MAGI2: variants seen among roughly 807,000 people sequenced by gnomAD.
MAGI2 encodes the protein membrane-associated guanylate kinase, WW and PDZ domain-containing protein 2.
Under a neutral mutation model 133.3 loss-of-function variants are expected in MAGI2, and 35 were observed. That is an observed-to-expected ratio of 0.26 (90% CI 0.20 to 0.35). The LOEUF is 0.35. MAGI2 is among the 10% of genes least tolerant of loss of function. The pLI, the probability that MAGI2 is intolerant of heterozygous loss-of-function variation, is 1.00. For missense variants in MAGI2, 1,636 were observed against 1,863.4 expected (o/e 0.88, Z 2.25); for synonymous variants, 729 against 710.6 (o/e 1.03, Z -0.41).
chr7:78,694,069 C>T (rs1817245067), intron 2 of MAGI2, among the ~76,000 whole-genome samples: 1 of 152,070 alleles, frequency 6.6e-6, no homozygotes, highest in Admixed American at 6.5e-5. Flanking sequence ...AGCTGCGTGA[C>T]CATTGATAAT....
chr7:78,428,446 A>G (rs183630722), intron 6 of MAGI2, among the ~76,000 whole-genome samples: 80 of 152,282 alleles, frequency 5.3e-4, no homozygotes, highest in Admixed American at 2.0e-3. Flanking sequence ...CTATCTTCTT[A>G]GGATAATTTT....
At chr7:79,144,267 T>C (rs1016886418) in intron 1 of MAGI2, among the ~76,000 whole-genome samples, 4 of 152,240 alleles carry the variant, frequency 2.6e-5, no homozygotes, top group African/African-American at 7.2e-5. Context: ...TGATATGGTT[T>C]GGATTTGTGT....
chr7:78,591,335 G>T (rs576952814), intron 3 of MAGI2, among the ~76,000 whole-genome samples: 1 of 152,298 alleles, frequency 6.6e-6, no homozygotes, highest in South Asian at 2.1e-4. Flanking sequence ...AAACAAGAGC[G>T]GGTTAGAGAT....
At chr7:79,151,567 T>C (rs1299575779) in intron 1 of MAGI2, among the ~76,000 whole-genome samples, 1 of 152,100 alleles carries the variant, frequency 6.6e-6, no homozygotes, top group East Asian at 1.9e-4. Flanking sequence ...TCAAGTATAG[T>C]GTGACTGAGT....
Position 78,346,062 on chromosome 7 carries a change from G to A in MAGI2, c.1104-19C>T. ...TATGTGGCTAAAAAAGAAAATTTCA[G>A]ATTAGGATAACCGTGGGGCAAAGTT... On this transcript the variant is annotated intron_variant, in intron 7 of 21. Coordinates refer to ENST00000354212, the MANE Select transcript of MAGI2 (RefSeq NM_012301.4). The A allele has an allele frequency of 6.2e-7, 1 of 1,613,716 alleles. No individual in the cohort carries two copies.
intron 2 of MAGI2, among the ~76,000 whole-genome samples, chr7:78,674,137 A>T (rs1401297312): frequency 6.6e-6 from 1 of 152,192 alleles, no homozygotes; most frequent in East Asian, 1.9e-4. Context: ...ACATTAATAA[A>T]AGTTTGTAGT....
intron 1 of MAGI2, among the ~76,000 whole-genome samples, chr7:79,282,666 C>T (rs1168382902): frequency 6.6e-6 from 1 of 152,040 alleles, no homozygotes; most frequent in African/African-American, 2.4e-5. Flanking sequence ...TTAGAAGAGT[C>T]TCTCAGGCAT....
At chr7:78,892,646 T>C (rs941207352) in intron 2 of MAGI2, among the ~76,000 whole-genome samples, 10 of 152,180 alleles carry the variant, frequency 6.6e-5, no homozygotes, top group African/African-American at 2.2e-4. Context: ...CCCTATTTAA[T>C]AAATGGTGCT....
chr7:79,164,395 C>T lies in MAGI2; in HGVS notation c.302-157189G>A, dbSNP rs970822216. 5.9e-5 allele frequency among the ~76,000 whole-genome samples: 9 copies of T among 152,108 alleles called. No individual in the cohort carries two copies. The South Asian group carries it at 1.5e-3, about 25-fold the overall frequency. On this transcript the variant is annotated intron_variant, in intron 1 of 21. Coordinates refer to ENST00000354212, the MANE Select transcript of MAGI2 (RefSeq NM_012301.4). ...TTTTGAGGTGGCCCTGCAAAGCTGT[C>T]TTTTGTGGGGGAAAATTTGTATCTG... is the stretch of plus-strand genomic sequence containing the variant.
At chr7:78,496,972 A>G (rs1264145653) in intron 5 of MAGI2, among the ~76,000 whole-genome samples, 2 of 152,150 alleles carry the variant, frequency 1.3e-5, no homozygotes, top group East Asian at 3.8e-4. Context: ...TTTACCTCTA[A>G]AAGTCTCAGT....
chr7:78,373,034 G>A (rs1302028293), intron 6 of MAGI2, among the ~76,000 whole-genome samples: 2 of 152,054 alleles, frequency 1.3e-5, no homozygotes, highest in African/African-American at 2.4e-5. Context: ...TGTTGCCCAA[G>A]CTGAACTCAA....
intron 2 of MAGI2, among the ~76,000 whole-genome samples, chr7:78,875,290 G>A (rs1795331577): frequency 6.6e-6 from 1 of 152,164 alleles, no homozygotes; most frequent in Non-Finnish European, 1.5e-5. Flanking sequence ...CTCAGCTCGG[G>A]AGGCAGAGAG....
intron 21 of MAGI2, among the ~76,000 whole-genome samples, chr7:78,070,174 CATATATATATATATATATATATATAT>C (rs57714371): frequency 1.6e-4 from 9 of 56,660 alleles, no homozygotes; most frequent in African/African-American, 4.1e-4. Context: ...CACACACACA[CATATATATATATATATATATATATAT>C]ATATATATAT....
chr7:78,892,595 T>C (rs180709393), intron 2 of MAGI2, among the ~76,000 whole-genome samples: 39 of 152,318 alleles, frequency 2.6e-4, no homozygotes, highest in Admixed American at 2.1e-3. Context: ...AACCATTGGA[T>C]CTTTGACAAG....
At chr7:78,958,593 T>C (rs1014136122) in intron 2 of MAGI2, among the ~76,000 whole-genome samples, 3 of 152,144 alleles carry the variant, frequency 2.0e-5, no homozygotes, top group African/African-American at 7.2e-5. Context: ...TAAAAAGTAA[T>C]TATAGTTAGC....
At chr7:78,307,405 C>G (rs1370419815) in intron 9 of MAGI2, among the ~76,000 whole-genome samples, 2 of 151,986 alleles carry the variant, frequency 1.3e-5, no homozygotes, top group Non-Finnish European at 2.9e-5. Flanking sequence ...ATGTCTTTGC[C>G]AGGTAGTGAT....
At chr7:78,994,466 CA>C (rs1173237963) in intron 2 of MAGI2, among the ~76,000 whole-genome samples, 1 of 152,076 alleles carries the variant, frequency 6.6e-6, no homozygotes, top group African/African-American at 2.4e-5. Context: ...CTACCATTTT[CA>C]TGATTTTTTC....
intron 20 of MAGI2, among the ~76,000 whole-genome samples, chr7:78,115,661 A>T (rs1365910092): frequency 6.6e-6 from 1 of 152,116 alleles, no homozygotes; most frequent in Non-Finnish European, 1.5e-5. Flanking sequence ...GTACCAAAAA[A>T]CATGTCCTCA....
At chr7:79,372,947 T>C (rs928771793) in intron 1 of MAGI2, among the ~76,000 whole-genome samples, 6 of 152,038 alleles carry the variant, frequency 3.9e-5, no homozygotes, top group Non-Finnish European at 8.8e-5. Context: ...GCTTAAAACA[T>C]CAAACTCTTC....
Sources: allele counts gnomAD v4.1 joint callset (sites outside exome capture counted in the v4.1 genomes callset), GRCh38; gene constraint gnomAD v4.1.1; transcripts MANE v1.5; gene names NCBI Gene and HGNC (gene_info 2026-07-23, HGNC 2026-07-21).